DHX34: variants seen among roughly 807,000 people sequenced by gnomAD.
DHX34 encodes probable ATP-dependent RNA helicase DHX34.
In DHX34, 96 loss-of-function variants were observed where a neutral mutation model predicts 111.1. The ratio of observed to expected loss-of-function variants is 0.86; its 90% CI spans 0.73 to 1.02. The LOEUF is 1.02. Ranked by LOEUF, DHX34 falls within the 50% of genes least tolerant of loss-of-function variation. The pLI is 0.00. For missense variants in DHX34, 1,560 were observed against 1,579.9 expected, an observed-to-expected ratio of 0.99 and a Z score of 0.21; for synonymous variants, 688 against 670.4, an observed-to-expected ratio of 1.03 and a Z score of -0.41.
At chr19:47,362,760 T>C (rs557062388) in intron 6 of DHX34, 67 bp downstream of exon 6, 178 of 1,176,286 alleles carry the variant, frequency 1.5e-4, no homozygotes, top group Non-Finnish European at 3.5e-6. Flanking sequence ...GGGAGGCCTT[T>C]TTTATTTTAT....
Position 47,373,627 on chromosome 19 carries a change from G to C in DHX34, c.1991G>C (p.Arg664Pro). 6.2e-7 allele frequency: 1 copy of C among 1,613,916 alleles called. No individual in the cohort carries two copies. The highest frequency in any genetic ancestry group is 8.5e-7 in the Non-Finnish European group (1 of 1,179,960). ...AAATCTGAACGGAGCAGAAACTCTC[G>C]CAAGTGGTGCCGCCGCCGGGGCATA... ...QVKSERSRNS[R>P]KWCRRRGIEE... The change falls in exon 9 of 17, where the codon CGC becomes CCC. Residue 664 changes from arginine (R) to proline (P), a missense_variant. Physicochemically the swap from Arg to Pro is moderately radical, Grantham distance 103. Transcript: ENST00000328771.
At position 47,353,609 on chromosome 19, in the gene DHX34, T is replaced by G; in HGVS notation, c.579T>G (p.Thr193=). The change falls in exon 2 of 17, where the codon ACT becomes ACG. Residue 193 remains threonine (T), a synonymous_variant. Coordinates refer to ENST00000328771, the MANE Select transcript of DHX34 (RefSeq NM_014681.6). This position sits in a 1 kb window ranked among gnomAD's most constrained non-coding sequence, Gnocchi z 4.6. ...VAGDTGCGKS[T]QVPQYLLAAG... The stretch of plus-strand genomic sequence containing the variant: ...GTGACACCGGCTGTGGCAAGTCCAC[T>G]CAGGTGCCCCAGTACCTGCTGGCTG... 8 of 1,613,298 alleles carry G rather than the reference T, an allele frequency of 5.0e-6. No homozygotes were observed. Among genetic ancestry groups the G allele is most frequent in the Non-Finnish European group, 6.8e-6 (8 of 1,179,990 alleles).
At chr19:47,373,721 T>C in intron 9 of DHX34, 21 bp downstream of exon 9, 1 of 1,608,550 alleles carries the variant, frequency 6.2e-7, no homozygotes, top group East Asian at 2.2e-5. Context: ...GGAGGAGGGG[T>C]AAGGCCGGCC....
Position 47,353,329 on chromosome 19 carries a change from AC to A in DHX34, c.300del (p.Tyr100Ter). The A allele has an allele frequency of 6.2e-7, 1 of 1,614,088 alleles. No individual in the cohort carries two copies. The highest frequency in any genetic ancestry group is 8.5e-7 in the Non-Finnish European group (1 of 1,180,002). On this transcript the variant is annotated frameshift_variant, in exon 2 of 17. Transcript: ENST00000328771. LOFTEE classifies it high-confidence loss of function. The surrounding 1 kb of genome is among the most constrained non-coding windows in gnomAD (Gnocchi z 4.6). ...GCGCTGGCCGACCTACCTCGCACTT[AC>A]GACCCACGTTACCGCATCAACCTCT... is the stretch of plus-strand genomic sequence containing the variant. ...IPALADLPRTYDPRYRINLSV... is the reference protein window; with the variant it reads ...IPALADLPRTXDPRYRINLSV...
chr19:47,381,315 G>C lies in DHX34; in HGVS notation c.3289G>C (p.Gly1097Arg), dbSNP rs1970351349. The C allele has an allele frequency of 1.2e-6, 2 of 1,613,298 alleles. No individual in the cohort carries two copies. Among genetic ancestry groups the C allele is most frequent in the Non-Finnish European group, 1.7e-6 (2 of 1,179,686 alleles). The change falls in exon 16 of 17, where the codon GGG becomes CGG. Residue 1097 changes from glycine to arginine, a missense_variant. Transcript: ENST00000328771. ...ENTCPQAPQD[G>R]PPGAEEAALE... ...CACCTGCCCCCAGGCCCCACAGGAT[G>C]GGCCCCCAGGTAAGCACAGGACTGT...
rs188068591 is a variant in DHX34 at position 47,376,927 on chromosome 19, G to C, written c.2600-173G>C. On this transcript the variant is annotated intron_variant, in intron 12 of 16. Coordinates refer to ENST00000328771, the MANE Select transcript of DHX34 (RefSeq NM_014681.6). The stretch of plus-strand genomic sequence containing the variant: ...TGTCTCGCTGCAGGCATGGCTGCGT[G>C]CTGGGAGTCACATTCAGATTTGGCT... The C allele has an allele frequency of 3.3e-6, 5 of 1,536,828 alleles. No individual in the cohort carries two copies. In the African/African-American group the frequency reaches 6.8e-5, roughly 21 times the overall value.
intron 3 of DHX34, among the ~76,000 whole-genome samples, chr19:47,356,433 C>G (rs759903946): frequency 7.0e-4 from 107 of 151,928 alleles, no homozygotes; most frequent in Non-Finnish European, 1.1e-3. Flanking sequence ...AGCCCAAGAC[C>G]ATCCTGGCCA....
intron 10 of DHX34, 39 bp downstream of exon 10, chr19:47,375,747 G>T: frequency 6.4e-7 from 1 of 1,559,996 alleles, no homozygotes; most frequent in Non-Finnish European, 8.6e-7. Context: ...GGTTTACCAA[G>T]GTGGGCCTTG....
intron 7 of DHX34, among the ~76,000 whole-genome samples, chr19:47,369,504 AC>A (rs1210716561): frequency 2.6e-5 from 4 of 152,236 alleles, no homozygotes; most frequent in African/African-American, 9.6e-5. Context: ...TGCCAGAGAT[AC>A]AACAGTGAAT....
chr19:47,361,456 T>TA (rs538415702), intron 5 of DHX34, among the ~76,000 whole-genome samples: 79 of 143,584 alleles, frequency 5.5e-4, no homozygotes, highest in Middle Eastern at 3.4e-3. Context: ...AGACCCTGTT[T>TA]AAAAAAAAAA....
chr19:47,373,627 G>A lies in DHX34; in HGVS notation c.1991G>A (p.Arg664His), dbSNP rs751960623. 9.9e-6 allele frequency: 16 copies of A among 1,613,798 alleles called. No individual in the cohort carries two copies. The highest frequency in any genetic ancestry group is 4.5e-5 in the East Asian group (2 of 44,894). The change falls in exon 9 of 17, where the codon CGC (arginine) becomes CAC (histidine). Residue 664 changes from arginine to histidine, a missense_variant. Physicochemically the swap from Arg to His is conservative, Grantham distance 29 (BLOSUM62 0). Transcript: ENST00000328771. The part of the protein sequence containing the change: ...QVKSERSRNS[R>H]KWCRRRGIEE... ...AAATCTGAACGGAGCAGAAACTCTC[G>A]CAAGTGGTGCCGCCGCCGGGGCATA...
In DHX34 at chr19:47,375,232, G is replaced by A. The variant is rs968423726; in HGVS notation, c.2065-234G>A. ...AGCCTGGAGCCAGCTGTGGGAAAAG[G>A]CACTGGACGCCCGCACCTGCCTCCT... is the stretch of plus-strand genomic sequence containing the variant. On this transcript the variant is annotated intron_variant, in intron 9 of 16. Transcript: ENST00000328771. 3.1e-6 allele frequency: 3 copies of A among 961,212 alleles called. No individual in the cohort carries two copies. In the African/African-American group the frequency reaches 5.3e-5, roughly 17 times the overall value. The allele number at this position is 961,212 out of a possible 1,614,324, so 59.5% of individuals were successfully genotyped here.
At chr19:47,375,809 C>G in intron 10 of DHX34, 101 bp downstream of exon 10, 1 of 1,548,462 alleles carries the variant, frequency 6.5e-7, no homozygotes, top group Non-Finnish European at 8.7e-7. Context: ...ATTTCAGGAG[C>G]CGGGTTTCCA....
chr19:47,369,464 C>T (rs995727788), intron 7 of DHX34, among the ~76,000 whole-genome samples: 1 of 152,214 alleles, frequency 6.6e-6, no homozygotes, highest in Non-Finnish European at 1.5e-5. Context: ...AATTTTTGAG[C>T]ACCTGCTCTG....
Position 47,379,943 on chromosome 19 carries a change from G to A in DHX34, c.2940G>A (p.Val980=), listed in dbSNP as rs1263082973. 5 of 1,602,440 alleles carry A rather than the reference G, an allele frequency of 3.1e-6. No individual in the cohort carries two copies. The highest frequency in any genetic ancestry group is 3.3e-5 in the Admixed American group (2 of 59,728). The part of the protein sequence containing the change: ...EEDTPVSPKE[V]ATLSKELLQF... ...ATACGCCAGTCAGCCCCAAGGAGGT[G>A]GCCACCCTGAGCAAGGAACTCCTGC... The change falls in exon 14 of 17, where the codon GTG becomes GTA. Residue 980 remains valine (V), a synonymous_variant. Coordinates refer to ENST00000328771, the MANE Select transcript of DHX34 (RefSeq NM_014681.6).
chr19:47,361,903 G>A (rs1969642504), intron 5 of DHX34, among the ~76,000 whole-genome samples: 1 of 152,204 alleles, frequency 6.6e-6, no homozygotes. Flanking sequence ...CTAGTGCAGT[G>A]CCTGGTATAT....
At chr19:47,370,645 A>T (rs373957000) in intron 7 of DHX34, among the ~76,000 whole-genome samples, 1 of 151,568 alleles carries the variant, frequency 6.6e-6, no homozygotes, top group Non-Finnish European at 1.5e-5. Context: ...AGGGCTGCCC[A>T]GGCTAAGAAG....
intron 6 of DHX34, among the ~76,000 whole-genome samples, chr19:47,365,495 G>A (rs1000273276): frequency 6.6e-6 from 1 of 152,114 alleles, no homozygotes; most frequent in Non-Finnish European, 1.5e-5. Context: ...CAGGTGATCT[G>A]CCTGCCTTAG....
chr19:47,359,245 C>T (rs951401218), intron 4 of DHX34, among the ~76,000 whole-genome samples: 2 of 152,044 alleles, frequency 1.3e-5, no homozygotes, highest in African/African-American at 2.4e-5. Flanking sequence ...GAGGATCACT[C>T]GAGCTCAGGA....
Sources: allele counts gnomAD v4.1 joint callset (sites outside exome capture counted in the v4.1 genomes callset), GRCh38; gene constraint gnomAD v4.1.1; non-coding constraint Gnocchi (gnomAD v3.1); transcripts MANE v1.5; gene names NCBI Gene and HGNC (gene_info 2026-07-23, HGNC 2026-07-21).